The following REEP3 variants were observed in gnomAD, a reference collection of about 807,000 sequenced individuals.
REEP3 encodes receptor expression-enhancing protein 3.
REEP3 carries 20 observed loss-of-function variants against 41.3 expected under a neutral mutation model. That is an observed-to-expected ratio of 0.48 (90% CI 0.34 to 0.70). The LOEUF (loss-of-function observed/expected upper bound fraction) is 0.70. Among genes scored for constraint, REEP3 ranks in the 30% least tolerant of loss-of-function variants. The probability of loss-of-function intolerance (pLI) is 0.01; values close to 1 mark genes in which losing one functional copy is unlikely to be tolerated. For synonymous variants in REEP3, 104 were observed against 101.8 expected (o/e 1.02, Z -0.13); for missense variants, 271 against 308.8 (o/e 0.88, Z 0.92).
intron 2 of REEP3, among the ~76,000 whole-genome samples, chr10:63,583,308 A>G (rs923193985): frequency 1.3e-5 from 2 of 152,006 alleles, no homozygotes; most frequent in Non-Finnish European, 2.9e-5. Flanking sequence ...TTTTTTTTCT[A>G]TCAGTCTTTG....
At chr10:63,568,922 C>G (rs1216906738) in intron 2 of REEP3, among the ~76,000 whole-genome samples, 1 of 152,122 alleles carries the variant, frequency 6.6e-6, no homozygotes, top group Non-Finnish European at 1.5e-5. Context: ...TTCAGCCTCT[C>G]AAAGTACTGG....
chr10:63,599,477 A>T (rs906739314), intron 5 of REEP3, among the ~76,000 whole-genome samples, 194 bp downstream of exon 5: 1 of 152,248 alleles, frequency 6.6e-6, no homozygotes, highest in Non-Finnish European at 1.5e-5. Flanking sequence ...CTCTTAATTC[A>T]TCACAAAATG....
chr10:63,568,321 C>T (rs1221467230), intron 2 of REEP3, among the ~76,000 whole-genome samples: 1 of 149,988 alleles, frequency 6.7e-6, no homozygotes, highest in Non-Finnish European at 1.5e-5. Context: ...GGCCGGAGTG[C>T]ACTGGCGCGA....
rs867089821 is a variant in REEP3, at chr10:63,619,268, T to C, written c.566-387T>C. 9.2e-5 allele frequency among the ~76,000 whole-genome samples: 14 copies of C among 152,178 alleles called. No individual in the cohort carries two copies. The South Asian group carries it at 2.9e-3, about 32-fold the overall frequency. ...CAAGGCAAAAGTGCAAATGACAGAC[T>C]AAAACACAAATGCTTGGGTTGAATT... On this transcript the variant is annotated intron_variant, in intron 6 of 7. Coordinates refer to ENST00000373758, the MANE Select transcript of REEP3 (RefSeq NM_001001330.3).
chr10:63,609,318 G>C (rs1216577250), intron 5 of REEP3, among the ~76,000 whole-genome samples: 1 of 152,066 alleles, frequency 6.6e-6, no homozygotes, highest in Non-Finnish European at 1.5e-5. Context: ...CAGGCGTGGT[G>C]GTGGGCGCCT....
chr10:63,539,247 A>C (rs1955503948), intron 1 of REEP3, among the ~76,000 whole-genome samples: 2 of 152,100 alleles, frequency 1.3e-5, no homozygotes, highest in Admixed American at 1.3e-4. Context: ...GTTTAACTAT[A>C]GGTTTATTAG....
intron 6 of REEP3, 130 bp from the exon 7 acceptor site, chr10:63,619,525 C>A: frequency 1.5e-6 from 1 of 684,624 alleles, no homozygotes; most frequent in Non-Finnish European, 2.4e-6. Flanking sequence ...GCATGGAGCA[C>A]ATTCCAGATG....
At chr10:63,555,000 T>G (rs1955664213) in intron 1 of REEP3, among the ~76,000 whole-genome samples, 1 of 151,942 alleles carries the variant, frequency 6.6e-6, no homozygotes, top group Non-Finnish European at 1.5e-5. Context: ...TGTAGCTTGA[T>G]TTTTTTTCCC....
intron 1 of REEP3, among the ~76,000 whole-genome samples, chr10:63,546,328 T>A (rs1955578204): frequency 6.6e-6 from 1 of 152,226 alleles, no homozygotes; most frequent in Admixed American, 6.5e-5. Flanking sequence ...TGGACCAGGC[T>A]GGTAGCAGTG....
intron 3 of REEP3, 50 bp from the exon 4 acceptor site, chr10:63,597,974 A>G (rs2133410526): frequency 6.5e-7 from 1 of 1,530,928 alleles, no homozygotes; most frequent in East Asian, 2.3e-5. Flanking sequence ...TGATTTCTAC[A>G]GTGGTTTGTT....
intron 1 of REEP3, among the ~76,000 whole-genome samples, chr10:63,544,485 G>A (rs1411952519): frequency 1.3e-5 from 2 of 152,182 alleles, no homozygotes; most frequent in Admixed American, 6.6e-5. Flanking sequence ...AAAACTTGAC[G>A]ATTGGGTGTG....
chr10:63,527,846 A>G (rs1382716901), intron 1 of REEP3, among the ~76,000 whole-genome samples: 1 of 152,214 alleles, frequency 6.6e-6, no homozygotes, highest in Non-Finnish European at 1.5e-5. Flanking sequence ...CCACTTGGCC[A>G]AACTGTTTGA....
chr10:63,569,041 GTAT>G (rs1159478707), intron 2 of REEP3, among the ~76,000 whole-genome samples: 1 of 152,028 alleles, frequency 6.6e-6, no homozygotes, highest in East Asian at 1.9e-4. Flanking sequence ...TTTCATTATT[GTAT>G]TATTAATATA....
At chr10:63,536,118 A>T (rs966331250) in intron 1 of REEP3, among the ~76,000 whole-genome samples, 2 of 152,220 alleles carry the variant, frequency 1.3e-5, no homozygotes, top group African/African-American at 4.8e-5. Flanking sequence ...CATTTCACCA[A>T]TGAGAAACCT....
At chr10:63,560,264 C>T (rs1314376665) in intron 1 of REEP3, among the ~76,000 whole-genome samples, 1 of 151,942 alleles carries the variant, frequency 6.6e-6, no homozygotes, top group Non-Finnish European at 1.5e-5. Context: ...CAGATTAAAT[C>T]CTTGATATTA....
rs373638142 is a variant in REEP3, at chr10:63,553,850, C to G, written c.33-12488C>G. On this transcript the variant is annotated intron_variant, in intron 1 of 7. Coordinates refer to ENST00000373758, the MANE Select transcript of REEP3 (RefSeq NM_001001330.3). Reference sequence around the variant, plus strand: ...GCGGTGGCTCACGCCTATTTGTAATCCCAGCACTTTGGGAGGCCGAGGCGG... The same window carrying G: ...GCGGTGGCTCACGCCTATTTGTAATGCCAGCACTTTGGGAGGCCGAGGCGG... 7.2e-5 allele frequency among the ~76,000 whole-genome samples: 11 copies of G among 152,168 alleles called. No individual in the cohort carries two copies. The South Asian group carries it at 2.3e-3, about 32-fold the overall frequency.
intron 3 of REEP3, among the ~76,000 whole-genome samples, chr10:63,596,439 AC>A (rs1956116224): frequency 6.6e-6 from 1 of 152,164 alleles, no homozygotes; most frequent in African/African-American, 2.4e-5. Flanking sequence ...AACATGAACA[AC>A]TGAATCCAGA....
rs1240638019 is a variant in REEP3 at position 63,556,598 on chromosome 10, TG to T, written c.33-9739del. On this transcript the variant is annotated intron_variant, in intron 1 of 7. Coordinates refer to ENST00000373758, the MANE Select transcript of REEP3 (RefSeq NM_001001330.3). ...TGTTTTGTTTTGTTTTGTTTTGTTT[TG>T]TTTTCTGTTTGCTTGTTTTTTTTTT... Among the ~76,000 whole-genome samples the T allele has an allele frequency of 4.2e-5, 6 of 141,712 alleles. 1 individual carries two copies. The highest frequency in any genetic ancestry group is 2.3e-4 in the South Asian group (1 of 4,400). The allele number at this position is 141,712 out of a possible 152,430, so 93.0% of individuals were successfully genotyped here.
chr10:63,609,515 T>G (rs1956260433), intron 5 of REEP3, among the ~76,000 whole-genome samples: 1 of 149,942 alleles, frequency 6.7e-6, no homozygotes, highest in African/African-American at 2.5e-5. Flanking sequence ...ATCTCAGCAC[T>G]TTGGGAAGGC....
Sources: gnomAD v4.1 joint callset for allele counts (sites outside exome capture counted in the v4.1 genomes callset) on GRCh38, gnomAD v4.1.1 for gene constraint, MANE v1.5 for transcripts, NCBI Gene and HGNC (gene_info 2026-07-23, HGNC 2026-07-21) for gene names.